PTCSC3: variants seen among roughly 807,000 people sequenced by gnomAD.
The protein encoded by PTCSC3 is papillary thyroid carcinoma susceptibility candidate 3, also known as papillary thyroid carcinoma susceptibility candidate 3 (non-protein coding).
At chr14:36,143,150 T>C (rs2139089839) in intron 3 of PTCSC3, among the ~76,000 whole-genome samples, 1 of 150,006 alleles carries the variant, frequency 6.7e-6, no homozygotes, top group East Asian at 2.0e-4. Flanking sequence ...CAGCATGATT[T>C]ATAGTCCTTT....
chr14:36,136,348 G>A (rs573494335), exon 4 of PTCSC3: 8 of 152,438 alleles, frequency 5.2e-5, no homozygotes, highest in Non-Finnish European at 1.2e-4. Flanking sequence ...TCCCTGCAGA[G>A]CACTGTCTCT....
At chr14:36,146,642 G>A (rs1321103076) in intron 3 of PTCSC3, among the ~76,000 whole-genome samples, 6 of 152,180 alleles carry the variant, frequency 3.9e-5, no homozygotes, top group Admixed American at 3.9e-4. Flanking sequence ...TGTTTTAATT[G>A]GAGCATTTAG....
downstream of PTCSC3, among the ~76,000 whole-genome samples, chr14:36,135,549 A>G (rs1881266214): frequency 6.6e-6 from 1 of 152,160 alleles, no homozygotes; most frequent in Non-Finnish European, 1.5e-5. Context: ...TAACTGCTTG[A>G]CAGCTGTGAT....
At chr14:36,135,867 ATATATATATGTGTGTGTGTGTG>A (rs1881273385), downstream of PTCSC3, among the ~76,000 whole-genome samples, 1 of 150,768 alleles carries the variant, frequency 6.6e-6, no homozygotes, top group Admixed American at 6.7e-5. Context: ...GGACAGATAT[ATATATATATGTGTGTGTGTGTG>A]TATATATATA....
At chr14:36,160,267 T>C (rs2139105445) in intron 2 of PTCSC3, among the ~76,000 whole-genome samples, 1 of 152,314 alleles carries the variant, frequency 6.6e-6, no homozygotes, top group East Asian at 1.9e-4. Context: ...GATCCTGTCA[T>C]TATGATGCTA....
intron 2 of PTCSC3, among the ~76,000 whole-genome samples, chr14:36,157,633 A>G (rs1405415183): frequency 1.3e-5 from 2 of 152,026 alleles, no homozygotes; most frequent in East Asian, 1.9e-4. Context: ...TCCCAACACC[A>G]TTTATTAAAT....
intron 1 of PTCSC3, among the ~76,000 whole-genome samples, chr14:36,168,126 T>G (rs1250048231): frequency 6.6e-6 from 1 of 152,036 alleles, no homozygotes; most frequent in African/African-American, 2.4e-5. Context: ...CTGTTGCTGC[T>G]GAATGGCTTA....
chr14:36,162,002 A>G (rs1881966273), intron 2 of PTCSC3, among the ~76,000 whole-genome samples: 1 of 152,060 alleles, frequency 6.6e-6, no homozygotes, highest in Admixed American at 6.5e-5. Context: ...AGCTTTGTTT[A>G]CACCGTGAGG....
At chr14:36,152,399 G>A (rs1301793785) in intron 3 of PTCSC3, among the ~76,000 whole-genome samples, 2 of 152,150 alleles carry the variant, frequency 1.3e-5, no homozygotes, top group South Asian at 2.1e-4. Context: ...AGTCTACAGT[G>A]TGCTACAATT....
rs866193169 is a variant in PTCSC3, at chr14:36,162,274, A to C, written n.231+350T>G. 1.2e-3 allele frequency among the ~76,000 whole-genome samples: 175 copies of C among 150,878 alleles called. 1 individual carries two copies. In the South Asian group the frequency reaches 0.016, roughly 14 times the overall value. On this transcript the variant is annotated intron_variant and non_coding_transcript_variant, in intron 2 of 3. Coordinates refer to ENST00000556013, the Ensembl canonical transcript of PTCSC3. Reference sequence around the variant, plus strand: ...TGGGGTATGGAAAAAAAAAAAAAAAAAAAAAAAAAAACTCCTGCAGCCAGC... The same window carrying C: ...TGGGGTATGGAAAAAAAAAAAAAAACAAAAAAAAAAACTCCTGCAGCCAGC...
chr14:36,169,788 T>C (rs758446448), intron 1 of PTCSC3, among the ~76,000 whole-genome samples: 1 of 152,132 alleles, frequency 6.6e-6, no homozygotes, highest in Non-Finnish European at 1.5e-5. Flanking sequence ...GGGAAGAACA[T>C]TGCCACTTTT....
rs1882233561 is a variant in PTCSC3, at chr14:36,173,886, G to A, written n.171+2412C>T. On this transcript the variant is annotated intron_variant and non_coding_transcript_variant, in intron 1 of 3. Transcript: ENST00000556013. ...ACTGAGATGACAGTTTTTTCTTTCA[G>A]TACTTTAAGAAAGTCATTTCATTGT... 2.0e-5 allele frequency among the ~76,000 whole-genome samples: 3 copies of A among 152,140 alleles called. No homozygotes were observed. In the South Asian group the frequency reaches 6.2e-4, roughly 32 times the overall value.
intron 2 of PTCSC3, among the ~76,000 whole-genome samples, chr14:36,161,249 C>G (rs1230529465): frequency 6.6e-6 from 1 of 152,142 alleles, no homozygotes; most frequent in Non-Finnish European, 1.5e-5. Flanking sequence ...TCTCTGTCTG[C>G]TTTTGTTCCC....
intron 2 of PTCSC3, among the ~76,000 whole-genome samples, chr14:36,155,579 G>C (rs1881809922): frequency 6.6e-6 from 1 of 152,028 alleles, no homozygotes; most frequent in Non-Finnish European, 1.5e-5. Context: ...GATGACACAA[G>C]AGTAAATGAT....
At chr14:36,153,974 A>G (rs1881775958) in intron 2 of PTCSC3, 1 of 150,464 alleles carries the variant, frequency 6.6e-6, no homozygotes, top group African/African-American at 2.4e-5. Flanking sequence ...CTGAGGTGGT[A>G]TGGGTCACCT....
chr14:36,164,533 C>G (rs1422781612), intron 1 of PTCSC3, among the ~76,000 whole-genome samples: 1 of 151,998 alleles, frequency 6.6e-6, no homozygotes, highest in Admixed American at 6.6e-5. Context: ...TTTCATCATG[C>G]TAAATTAGAA....
chr14:36,160,670 C>T (rs1881935203), intron 2 of PTCSC3, among the ~76,000 whole-genome samples: 2 of 152,018 alleles, frequency 1.3e-5, no homozygotes, highest in Admixed American at 6.6e-5. Flanking sequence ...TCCTTCATTT[C>T]AACCTTGGTG....
chr14:36,163,068 A>G (rs1209076811), intron 1 of PTCSC3, among the ~76,000 whole-genome samples: 1 of 148,398 alleles, frequency 6.7e-6, no homozygotes, highest in Non-Finnish European at 1.5e-5. Flanking sequence ...TACTTGTCTC[A>G]GGTTCTGTTA....
intron 3 of PTCSC3, among the ~76,000 whole-genome samples, chr14:36,150,100 G>T (rs1881688388): frequency 6.6e-6 from 1 of 152,128 alleles, no homozygotes; most frequent in African/African-American, 2.4e-5. Context: ...GTTGGGTCTT[G>T]TTTTCAATCC....
Sources: gnomAD v4.1 joint callset for allele counts (sites outside exome capture counted in the v4.1 genomes callset) on GRCh38, gnomAD v4.1.1 for gene constraint, MANE v1.5 for transcripts, NCBI Gene and HGNC (gene_info 2026-07-23, HGNC 2026-07-21) for gene names.